Variants in SLC2A13 observed in about 807,000 individuals in gnomAD.
The protein encoded by SLC2A13 is solute carrier family 2 member 13.
A neutral mutation model predicts 64.4 loss-of-function variants in SLC2A13; 32 were observed. The ratio of observed to expected loss-of-function variants is 0.50; its 90% CI spans 0.37 to 0.67. The LOEUF (loss-of-function observed/expected upper bound fraction) is 0.67, where lower values mean the gene tolerates loss of function less well. SLC2A13 is among the 30% of genes least tolerant of loss of function. The pLI is 0.00. For synonymous variants in SLC2A13, 338 were observed against 327.1 expected, an observed-to-expected ratio of 1.03 and a Z score of -0.36; for missense variants, 743 against 829.2, an observed-to-expected ratio of 0.90 and a Z score of 1.28.
At chr12:40,047,346 G>A (rs1948186720) in intron 2 of SLC2A13, among the ~76,000 whole-genome samples, 1 of 152,126 alleles carries the variant, frequency 6.6e-6, no homozygotes, top group African/African-American at 2.4e-5. Context: ...GTTCTAATAA[G>A]TAGAGGCAAG....
intron 7 of SLC2A13, among the ~76,000 whole-genome samples, chr12:39,799,472 C>A (rs906701019): frequency 6.6e-6 from 1 of 151,820 alleles, no homozygotes; most frequent in African/African-American, 2.4e-5. Context: ...CAGAAATCCA[C>A]CCAGAATAAC....
chr12:39,798,771 C>A (rs1288315076), intron 7 of SLC2A13, among the ~76,000 whole-genome samples: 1 of 152,002 alleles, frequency 6.6e-6, no homozygotes, highest in Non-Finnish European at 1.5e-5. Flanking sequence ...CTTTTACATT[C>A]CTTTAGTACT....
intron 1 of SLC2A13, among the ~76,000 whole-genome samples, chr12:40,097,048 T>A (rs1938968478): frequency 6.6e-6 from 1 of 152,134 alleles, no homozygotes; most frequent in South Asian, 2.1e-4. Context: ...TCTCTACACT[T>A]CCTTTAATTC....
At chr12:39,768,537 T>C (rs973422895) in intron 7 of SLC2A13, among the ~76,000 whole-genome samples, 1 of 152,066 alleles carries the variant, frequency 6.6e-6, no homozygotes, top group African/African-American at 2.4e-5. Context: ...CACTTGAACA[T>C]TTAGAGGCCA....
intron 2 of SLC2A13, among the ~76,000 whole-genome samples, chr12:40,035,096 G>A (rs552825051): frequency 2.0e-5 from 3 of 152,206 alleles, no homozygotes; most frequent in South Asian, 2.1e-4. Context: ...AACATCCAGA[G>A]CTATCCAACT....
intron 4 of SLC2A13, among the ~76,000 whole-genome samples, chr12:39,919,648 G>T (rs886299397): frequency 1.3e-5 from 2 of 151,928 alleles, no homozygotes; most frequent in Non-Finnish European, 2.9e-5. Context: ...GTGTATAAAA[G>T]GTTCAAAGGG....
intron 3 of SLC2A13, among the ~76,000 whole-genome samples, chr12:39,983,482 G>A (rs1591978688): frequency 2.5e-5 from 1 of 40,408 alleles, no homozygotes; most frequent in African/African-American, 8.9e-5. Flanking sequence ...AAATTTACAA[G>A]AAAAAAAGAA....
At chr12:39,970,833 T>C (rs1390877484) in intron 3 of SLC2A13, among the ~76,000 whole-genome samples, 3 of 152,238 alleles carry the variant, frequency 2.0e-5, no homozygotes, top group Non-Finnish European at 4.4e-5. Flanking sequence ...GTATGCCCTA[T>C]AGGAAAACTC....
chr12:39,808,228 T>G lies in SLC2A13; in HGVS notation c.1445+21875A>C, dbSNP rs548151460. ...TATATATTGTTTTGTATCTGGCTTT[T>G]TTGCCCAACACAATGTTTCTGAAAT... On this transcript the variant is annotated intron_variant, in intron 7 of 9. Coordinates refer to ENST00000280871, the MANE Select transcript of SLC2A13 (RefSeq NM_052885.4). 2.6e-5 allele frequency among the ~76,000 whole-genome samples: 4 copies of G among 152,278 alleles called. No individual in the cohort carries two copies. The South Asian group carries it at 8.3e-4, about 32-fold the overall frequency.
At chr12:40,075,171 G>A (rs982646582) in intron 1 of SLC2A13, among the ~76,000 whole-genome samples, 2 of 152,138 alleles carry the variant, frequency 1.3e-5, no homozygotes, top group Admixed American at 6.5e-5. Flanking sequence ...TGAAAACCTG[G>A]TAGAGCAGCA....
At chr12:40,090,383 T>C (rs1938726440) in intron 1 of SLC2A13, among the ~76,000 whole-genome samples, 1 of 152,190 alleles carries the variant, frequency 6.6e-6, no homozygotes, top group African/African-American at 2.4e-5. Flanking sequence ...TCTCTGCGTA[T>C]CTTATCTTCA....
intron 3 of SLC2A13, among the ~76,000 whole-genome samples, chr12:40,027,095 A>G (rs1947824583): frequency 6.6e-6 from 1 of 152,014 alleles, no homozygotes; most frequent in Non-Finnish European, 1.5e-5. Flanking sequence ...AAAAAAAAAA[A>G]TTCATATTTC....
intron 5 of SLC2A13, among the ~76,000 whole-genome samples, chr12:39,867,762 T>A (rs1943945776): frequency 6.6e-6 from 1 of 152,194 alleles, no homozygotes. Context: ...GTGATGTTTC[T>A]CAATCCTGGC....
At chr12:39,908,153 A>G (rs1945340455) in intron 4 of SLC2A13, 1 of 152,062 alleles carries the variant, frequency 6.6e-6, no homozygotes, top group Non-Finnish European at 1.5e-5. Context: ...AAGCTGCATG[A>G]TAGTGATGTA....
At chr12:39,905,322 T>C (rs11174216) in intron 4 of SLC2A13, among the ~76,000 whole-genome samples, 2 of 152,240 alleles carry the variant, frequency 1.3e-5, no homozygotes, top group South Asian at 2.1e-4. Context: ...TGTAATCTGC[T>C]CATAAACAGC....
At chr12:39,931,716 A>G (rs890605896) in intron 4 of SLC2A13, among the ~76,000 whole-genome samples, 1 of 152,188 alleles carries the variant, frequency 6.6e-6, no homozygotes, top group African/African-American at 2.4e-5. Context: ...TTCCAATTTA[A>G]CTTTTAAATT....
chr12:40,008,730 T>C (rs1011218928), intron 3 of SLC2A13, among the ~76,000 whole-genome samples: 3 of 152,146 alleles, frequency 2.0e-5, no homozygotes, highest in Admixed American at 2.0e-4. Context: ...CCAATATACT[T>C]TGAAGCTTAG....
intron 3 of SLC2A13, among the ~76,000 whole-genome samples, chr12:40,019,688 C>G (rs977332356): frequency 2.6e-5 from 4 of 152,126 alleles, no homozygotes; most frequent in African/African-American, 9.7e-5. Context: ...GTTGCCCCTC[C>G]CCTTTAGGAA....
intron 5 of SLC2A13, among the ~76,000 whole-genome samples, chr12:39,867,244 A>G (rs546987491): frequency 6.6e-6 from 1 of 152,172 alleles, no homozygotes; most frequent in Non-Finnish European, 1.5e-5. Flanking sequence ...GGAAACTTTG[A>G]TATATTAAGA....
Sources: allele counts gnomAD v4.1 joint callset (sites outside exome capture counted in the v4.1 genomes callset), GRCh38; gene constraint gnomAD v4.1.1; transcripts MANE v1.5; gene names NCBI Gene and HGNC (gene_info 2026-07-23, HGNC 2026-07-21).